Variants in DIAPH3 observed in about 807,000 individuals in gnomAD.
DIAPH3 encodes the protein protein diaphanous homolog 3.
A neutral mutation model predicts 144.3 loss-of-function variants in DIAPH3; 117 were observed. That is an observed-to-expected ratio of 0.81 (90% CI 0.70 to 0.95). The LOEUF is 0.95. Ranked by LOEUF, DIAPH3 falls within the 40% of genes least tolerant of loss-of-function variation. The probability of loss-of-function intolerance (pLI) is 0.00; values close to 1 mark genes in which losing one functional copy is unlikely to be tolerated. For missense variants in DIAPH3, 1,421 were observed against 1,412.7 expected, an observed-to-expected ratio of 1.01 and a Z score of -0.09; for synonymous variants, 519 against 488.9, an observed-to-expected ratio of 1.06 and a Z score of -0.81.
At chr13:60,074,367 T>C (rs1050029673) in intron 4 of DIAPH3, among the ~76,000 whole-genome samples, 1 of 152,168 alleles carries the variant, frequency 6.6e-6, no homozygotes, top group Admixed American at 6.6e-5. Flanking sequence ...TATTTTAGGC[T>C]AAAATCAAGG....
intron 25 of DIAPH3, among the ~76,000 whole-genome samples, chr13:59,801,436 G>C (rs894468201): frequency 2.0e-5 from 3 of 152,134 alleles, no homozygotes; most frequent in African/African-American, 7.2e-5. Context: ...CTCAGATTCA[G>C]CACTAATTTT....
At chr13:59,950,917 C>T (rs373452563) in intron 17 of DIAPH3, among the ~76,000 whole-genome samples, 1 of 151,904 alleles carries the variant, frequency 6.6e-6, no homozygotes, top group African/African-American at 2.4e-5. Context: ...TTAAATTCTA[C>T]GATGAAATTG....
In DIAPH3 at chr13:59,811,762, T is replaced by A. The variant is rs150476724; in HGVS notation, c.3028-839A>T. Among the ~76,000 whole-genome samples, 891 of 138,388 alleles carry A rather than the reference T, an allele frequency of 6.4e-3. 8 individuals are homozygous for A. The highest frequency in any genetic ancestry group is 0.021 in the African/African-American group (792 of 37,374). The allele number at this position is 138,388 out of a possible 152,430, so 90.8% of individuals were successfully genotyped here. On this transcript the variant is annotated intron_variant, in intron 24 of 27. Coordinates refer to ENST00000400324, the MANE Select transcript of DIAPH3 (RefSeq NM_001042517.2). ...AAAAAAAAAAAAAAAAAAAAAGAAA[T>A]GTTTGTCATTTCAAAGCCAGGTCCT...
At chr13:60,099,230 G>T (rs1035443290) in intron 3 of DIAPH3, among the ~76,000 whole-genome samples, 2 of 152,118 alleles carry the variant, frequency 1.3e-5, no homozygotes, top group African/African-American at 4.8e-5. Flanking sequence ...TTGAAATGCA[G>T]AAATGCATTT....
intron 27 of DIAPH3, among the ~76,000 whole-genome samples, chr13:59,729,898 A>C (rs2035813916): frequency 7.1e-6 from 1 of 140,422 alleles, no homozygotes. Context: ...TGTAGCCTTG[A>C]CTTCCTGGGC....
intron 4 of DIAPH3, among the ~76,000 whole-genome samples, chr13:60,052,912 G>T (rs1475291652): frequency 1.6e-5 from 2 of 123,608 alleles, no homozygotes; most frequent in Non-Finnish European, 3.2e-5. Flanking sequence ...AGTGAGCTGA[G>T]ATCGCGCCAC....
intron 27 of DIAPH3, among the ~76,000 whole-genome samples, chr13:59,743,162 A>G (rs2036543752): frequency 6.6e-6 from 1 of 152,202 alleles, no homozygotes; most frequent in Non-Finnish European, 1.5e-5. Context: ...GTATTTTTTG[A>G]TGATCTCTTT....
At chr13:60,059,403 T>A (rs994945969) in intron 4 of DIAPH3, among the ~76,000 whole-genome samples, 1 of 152,066 alleles carries the variant, frequency 6.6e-6, no homozygotes, top group African/African-American at 2.4e-5. Context: ...CAACTATTTT[T>A]AAATTTACAA....
chr13:59,818,636 T>C (rs776201699), intron 24 of DIAPH3, among the ~76,000 whole-genome samples: 2 of 151,880 alleles, frequency 1.3e-5, no homozygotes, highest in Non-Finnish European at 2.9e-5. Flanking sequence ...TGTCTTTCAT[T>C]CTTTTTGAGT....
chr13:59,743,555 A>C (rs1199194096), intron 27 of DIAPH3, among the ~76,000 whole-genome samples: 1 of 152,162 alleles, frequency 6.6e-6, no homozygotes, highest in African/African-American at 2.4e-5. Context: ...GTGAGAGCCC[A>C]AACTAAGAAC....
intron 27 of DIAPH3, among the ~76,000 whole-genome samples, chr13:59,681,111 G>A (rs968560456): frequency 3.3e-5 from 5 of 152,030 alleles, no homozygotes; most frequent in African/African-American, 1.2e-4. Context: ...TATAATGGGA[G>A]GTGTTACTCC....
chr13:59,983,119 AAATAAT>A (rs1302141077), intron 13 of DIAPH3, among the ~76,000 whole-genome samples: 1 of 148,464 alleles, frequency 6.7e-6, no homozygotes, highest in Admixed American at 6.8e-5. Context: ...TTACAACACT[AAATAAT>A]AATGCTTTAT....
chr13:60,126,370 T>C (rs960286741), intron 2 of DIAPH3, among the ~76,000 whole-genome samples: 9 of 152,176 alleles, frequency 5.9e-5, no homozygotes, highest in African/African-American at 2.2e-4. Flanking sequence ...AACTAAAAAC[T>C]AATAAAAATT....
intron 1 of DIAPH3, chr13:60,153,439 C>T (rs1193663222): frequency 6.6e-6 from 1 of 152,078 alleles, no homozygotes; most frequent in Non-Finnish European, 1.5e-5. Flanking sequence ...CAAGCCAACA[C>T]CTATGAAAAA....
At chr13:60,071,273 G>C (rs554378590) in intron 4 of DIAPH3, among the ~76,000 whole-genome samples, 61 of 152,160 alleles carry the variant, frequency 4.0e-4, no homozygotes, top group African/African-American at 1.4e-3. Flanking sequence ...TCTGATTGCT[G>C]TACTCCTCTC....
chr13:59,735,890 A>T (rs2036125971), intron 27 of DIAPH3, among the ~76,000 whole-genome samples: 1 of 152,148 alleles, frequency 6.6e-6, no homozygotes, highest in African/African-American at 2.4e-5. Flanking sequence ...TTCATCACTC[A>T]GGCATTAACC....
chr13:60,104,781 T>C lies in DIAPH3; in HGVS notation c.390+7229A>G, dbSNP rs568244117. ...ACAATCACAAACAACTGCTGTGTAATCCTGCAGATAAGAACACTGCCAGTG... is the reference window on the plus strand; with the variant it reads ...ACAATCACAAACAACTGCTGTGTAACCCTGCAGATAAGAACACTGCCAGTG... On this transcript the variant is annotated intron_variant, in intron 3 of 27. Coordinates refer to ENST00000400324, the MANE Select transcript of DIAPH3 (RefSeq NM_001042517.2). Among the ~76,000 whole-genome samples the C allele has an allele frequency of 3.3e-5, 5 of 152,214 alleles. No homozygotes were observed. In the East Asian group the frequency reaches 9.7e-4, roughly 29 times the overall value.
intron 4 of DIAPH3, among the ~76,000 whole-genome samples, chr13:60,046,547 T>C (rs574796049): frequency 6.6e-6 from 1 of 152,294 alleles, no homozygotes; most frequent in South Asian, 2.1e-4. Context: ...GTTCAACCAT[T>C]GTGGAAGACA....
intron 4 of DIAPH3, among the ~76,000 whole-genome samples, chr13:60,045,402 C>T (rs540931455): frequency 1.8e-4 from 28 of 152,036 alleles, no homozygotes; most frequent in Middle Eastern, 3.4e-3. Flanking sequence ...TTATTAGCAG[C>T]GCGAGAAAAA....
Sources: gnomAD v4.1 joint callset for allele counts (sites outside exome capture counted in the v4.1 genomes callset) on GRCh38, gnomAD v4.1.1 for gene constraint, MANE v1.5 for transcripts, NCBI Gene and HGNC (gene_info 2026-07-23, HGNC 2026-07-21) for gene names.